The following RANBP17 variants were observed in gnomAD, a reference collection of about 807,000 sequenced individuals.
RANBP17 encodes ran-binding protein 17.
A neutral mutation model predicts 141.2 loss-of-function variants in RANBP17; 158 were observed. The observed-to-expected ratio is 1.12, with a 90% confidence interval of 0.98 to 1.28. The LOEUF is 1.28. Among genes scored for constraint, RANBP17 ranks in the 50% most tolerant of loss-of-function variants. The probability of loss-of-function intolerance (pLI) is 0.00; values close to 1 mark genes in which losing one functional copy is unlikely to be tolerated. For missense variants in RANBP17, 1,438 were observed against 1,290.7 expected, an observed-to-expected ratio of 1.11 and a Z score of -1.75; for synonymous variants, 430 against 450.0, an observed-to-expected ratio of 0.96 and a Z score of 0.56.
chr5:170,880,919 C>T lies in RANBP17; in HGVS notation c.166-887C>T, dbSNP rs79940457. Among the ~76,000 whole-genome samples the T allele has an allele frequency of 9.6e-4, 146 of 152,240 alleles. 1 individual carries two copies. The highest frequency in any genetic ancestry group is 3.3e-3 in the African/African-American group (138 of 41,518). On this transcript the variant is annotated intron_variant, in intron 2 of 27. Transcript: ENST00000523189. The stretch of plus-strand genomic sequence containing the variant: ...AGCTACCTCACTGTGGTTTATGATA[C>T]GCTGAGCAGCAGTAGGAAGCACTGA...
intron 14 of RANBP17, among the ~76,000 whole-genome samples, chr5:171,000,212 A>G (rs914238833): frequency 6.6e-5 from 10 of 152,206 alleles, no homozygotes; most frequent in African/African-American, 2.2e-4. Context: ...TGGATATACA[A>G]ATATCTCTTC....
At chr5:171,230,243 G>T (rs1166304328) in intron 22 of RANBP17, among the ~76,000 whole-genome samples, 3 of 152,108 alleles carry the variant, frequency 2.0e-5, no homozygotes, top group African/African-American at 4.8e-5. Flanking sequence ...GGGGTTTAGA[G>T]AAGGCAATAT....
chr5:171,062,551 C>T (rs1484024123), intron 14 of RANBP17, among the ~76,000 whole-genome samples: 1 of 152,184 alleles, frequency 6.6e-6, no homozygotes, highest in South Asian at 2.1e-4. Context: ...ATGGGCTTCC[C>T]TTTGAGGGTA....
At chr5:170,897,365 T>C in intron 5 of RANBP17, 1 of 496,752 alleles carries the variant, frequency 2.0e-6, no homozygotes. Flanking sequence ...TCTTCTTTTT[T>C]TTTTTTAAAT....
At chr5:171,002,266 G>A (rs1779261236) in intron 14 of RANBP17, among the ~76,000 whole-genome samples, 1 of 152,134 alleles carries the variant, frequency 6.6e-6, no homozygotes, top group Non-Finnish European at 1.5e-5. Flanking sequence ...AGATTGATAG[G>A]TGGAGGTTTC....
At chr5:171,174,751 AGTGTGTGTGTGTGTGTGT>A (rs57948503) in intron 16 of RANBP17, among the ~76,000 whole-genome samples, 5 of 135,622 alleles carry the variant, frequency 3.7e-5, no homozygotes, top group Non-Finnish European at 7.8e-5. Flanking sequence ...AAATATCTAG[AGTGTGTGTGTGTGTGTGT>A]GTGTGTGTGT....
intron 22 of RANBP17, among the ~76,000 whole-genome samples, chr5:171,230,333 A>G (rs1406745340): frequency 6.6e-6 from 1 of 152,218 alleles, no homozygotes; most frequent in Non-Finnish European, 1.5e-5. Context: ...AAGCACATAA[A>G]TATAGAACAG....
intron 14 of RANBP17, among the ~76,000 whole-genome samples, chr5:171,038,314 T>G (rs1482265139): frequency 6.7e-6 from 1 of 148,166 alleles, no homozygotes; most frequent in Admixed American, 7.0e-5. Flanking sequence ...TCCTGAAACT[T>G]TACTGAAGTT....
chr5:171,202,368 G>A (rs1762345933), intron 19 of RANBP17, among the ~76,000 whole-genome samples: 1 of 151,924 alleles, frequency 6.6e-6, no homozygotes, highest in African/African-American at 2.4e-5. Context: ...TTTTTGATTT[G>A]GTCATGACAT....
intron 14 of RANBP17, among the ~76,000 whole-genome samples, chr5:171,027,626 C>CA (rs1197771138): frequency 6.6e-6 from 1 of 151,784 alleles, no homozygotes; most frequent in Non-Finnish European, 1.5e-5. Context: ...TTAATGTCAC[C>CA]AGGGCTTGCA....
At position 170,892,133 on chromosome 5, in the gene RANBP17, T is replaced by C. The variant is rs544565150; in HGVS notation, c.257-254T>C. On this transcript the variant is annotated intron_variant, in intron 3 of 27. Transcript: ENST00000523189. ...TTGTTTAAAGTTCACAAAATTCTTT[T>C]TTTTTTTTTTTTTTTACATTAAGTT... Among the ~76,000 whole-genome samples, 708 of 145,798 alleles carry C rather than the reference T, an allele frequency of 4.9e-3. 4 individuals are homozygous for C. The highest frequency in any genetic ancestry group is 0.017 in the African/African-American group (686 of 40,174).
intron 14 of RANBP17, among the ~76,000 whole-genome samples, chr5:171,114,102 T>C (rs898285762): frequency 6.6e-6 from 1 of 152,152 alleles, no homozygotes; most frequent in Admixed American, 6.5e-5. Context: ...TAAATATCAA[T>C]TGATAGAACT....
intron 14 of RANBP17, among the ~76,000 whole-genome samples, chr5:171,089,291 C>A (rs1298354867): frequency 2.4e-4 from 25 of 104,170 alleles, no homozygotes; most frequent in African/African-American, 7.2e-4. Context: ...GGTCAGGGAC[C>A]CACTTGAGGA....
At chr5:171,131,527 T>G (rs1756919165) in intron 14 of RANBP17, among the ~76,000 whole-genome samples, 1 of 152,204 alleles carries the variant, frequency 6.6e-6, no homozygotes, top group Non-Finnish European at 1.5e-5. Context: ...AAATATCCAT[T>G]TATTAGGCAA....
At chr5:171,279,390 G>C (rs774917999) in intron 25 of RANBP17, among the ~76,000 whole-genome samples, 2 of 152,194 alleles carry the variant, frequency 1.3e-5, no homozygotes, top group African/African-American at 4.8e-5. Context: ...TCAAGGGTCT[G>C]CATCTGGCAA....
intron 14 of RANBP17, among the ~76,000 whole-genome samples, chr5:171,006,850 G>T (rs571231286): frequency 6.6e-6 from 1 of 151,838 alleles, no homozygotes; most frequent in Non-Finnish European, 1.5e-5. Flanking sequence ...CTGGGTTTTC[G>T]TCTTTACGTT....
chr5:171,134,528 G>C (rs1757139721), intron 14 of RANBP17, among the ~76,000 whole-genome samples: 1 of 152,200 alleles, frequency 6.6e-6, no homozygotes. Flanking sequence ...GGGACTAAAA[G>C]TAGAAAGCCC....
At chr5:170,988,109 G>T (rs982395534) in intron 14 of RANBP17, among the ~76,000 whole-genome samples, 1 of 151,568 alleles carries the variant, frequency 6.6e-6, no homozygotes, top group Admixed American at 6.6e-5. Context: ...CTTACCCACA[G>T]AATATTTTTA....
At chr5:171,206,466 T>C (rs1019976246) in intron 20 of RANBP17, 1 of 154,782 alleles carries the variant, frequency 6.5e-6, no homozygotes, top group African/African-American at 2.4e-5. Context: ...GGAAGTGATA[T>C]TGTATGCAAG....
Sources: allele counts gnomAD v4.1 joint callset (sites outside exome capture counted in the v4.1 genomes callset), GRCh38; gene constraint gnomAD v4.1.1; transcripts MANE v1.5; gene names NCBI Gene and HGNC (gene_info 2026-07-23, HGNC 2026-07-21).